EMG1: variants seen among roughly 807,000 people sequenced by gnomAD.
EMG1 encodes EMG1 N1-specific pseudouridine methyltransferase.
A neutral mutation model predicts 26.9 loss-of-function variants in EMG1; 24 were observed. The ratio of observed to expected loss-of-function variants is 0.89; its 90% confidence interval spans 0.65 to 1.26. The LOEUF (loss-of-function observed/expected upper bound fraction) is 1.26, where lower values mean the gene tolerates loss of function less well. EMG1 is among the 50% of genes most tolerant of loss of function. The probability of loss-of-function intolerance (pLI) is 0.00; values close to 1 mark genes in which losing one functional copy is unlikely to be tolerated. For synonymous variants in EMG1, 140 were observed against 112.6 expected, an observed-to-expected ratio of 1.24 and a Z score of -1.54; for missense variants, 299 against 307.6, an observed-to-expected ratio of 0.97 and a Z score of 0.21.
chr12:6,981,852 T>C, downstream of EMG1: 1 of 1,614,110 alleles, frequency 6.2e-7, no homozygotes, highest in Non-Finnish European at 8.5e-7. Context: ...CATTGTCCAC[T>C]TGATATCGTA....
Position 6,977,597 on chromosome 12 carries a change from C to T in EMG1, c.*1788C>T. 6.2e-7 allele frequency: 1 copy of T among 1,614,212 alleles called. No individual in the cohort carries two copies. The highest frequency in any genetic ancestry group is 8.5e-7 in the Non-Finnish European group (1 of 1,180,050). ...CCTTCACCCCCACCCTGGAGGCCTA[C>T]CTGTCTTTCCACAATAACAATGAGG... On this transcript the variant is annotated 3_prime_UTR_variant, in exon 6 of 6. Transcript: ENST00000599672. This position sits in a 1 kb window ranked among gnomAD's most constrained non-coding sequence, Gnocchi z 4.5.
intron 6 of EMG1, among the ~76,000 whole-genome samples, chr12:6,985,089 TAAAAAAAA>T: frequency 8.9e-6 from 1 of 112,608 alleles, no homozygotes; most frequent in Non-Finnish European, 1.8e-5. Context: ...CCCCATACAT[TAAAAAAAA>T]AAAAAAAAAA....
At chr12:6,982,755 C>T, downstream of EMG1, 1 of 1,613,882 alleles carries the variant, frequency 6.2e-7, no homozygotes, top group Non-Finnish European at 8.5e-7. Context: ...AAGCACAATA[C>T]ACAGCAGGGA....
At position 6,975,116 on chromosome 12, in the gene EMG1, C is replaced by T. The variant is rs782181464; in HGVS notation, c.439C>T (p.Arg147Ter). The T allele has an allele frequency of 1.9e-6, 3 of 1,613,844 alleles. No individual in the cohort carries two copies. Among genetic ancestry groups the T allele is most frequent in the African/African-American group, 1.3e-5 (1 of 74,918 alleles). ...MVQLLHKLSV[R>*]AADGPQKLLK... Reference sequence around the variant, plus strand: ...TCAACTTTTACACAAGCTCAGTGTTCGAGCAGCTGATGGCCCCCAGAAGCT... The same window carrying T: ...TCAACTTTTACACAAGCTCAGTGTTTGAGCAGCTGATGGCCCCCAGAAGCT... The change falls in exon 4 of 6, where the codon CGA (arginine) becomes TGA (stop). Residue 147 changes from arginine to a stop codon, truncating the protein, a stop_gained. Transcript: ENST00000599672. LOFTEE classifies it high-confidence loss of function.
chr12:6,982,858 T>C (rs1946485017), downstream of EMG1: 1 of 913,874 alleles, frequency 1.1e-6, no homozygotes, highest in Non-Finnish European at 1.7e-6. Flanking sequence ...CAACGTAATA[T>C]ATAAAGAAAA....
chr12:6,977,884 C>T lies in EMG1; in HGVS notation c.*2075C>T. On this transcript the variant is annotated 3_prime_UTR_variant, in exon 6 of 6. Transcript: ENST00000599672. The surrounding 1 kb of genome is among the most constrained non-coding windows in gnomAD (Gnocchi z 4.5). ...TGTAGCCCCCAGAGGGTACAGGAGG[C>T]AGTGCTGACTGATTACTTTTAGAGA... 1 of 962,474 alleles carries T rather than the reference C, an allele frequency of 1.0e-6. No homozygotes were observed. Among genetic ancestry groups the T allele is most frequent in the Non-Finnish European group, 1.6e-6 (1 of 631,968 alleles). 59.6% of individuals were successfully genotyped at this position (962,474 alleles called of 1,614,324 possible).
Position 6,978,226 on chromosome 12 carries a change from G to A in EMG1, c.*2417G>A. The stretch of plus-strand genomic sequence containing the variant: ...GTCAAAGTCAGTGTGAGCGACAGGG[G>A]GTTCTGCCCAGATGGGAAAGACGCA... On this transcript the variant is annotated 3_prime_UTR_variant, in exon 6 of 6. Coordinates refer to ENST00000599672, the MANE Select transcript of EMG1 (RefSeq NM_006331.8). The A allele has an allele frequency of 8.1e-7, 1 of 1,238,748 alleles. No individual in the cohort carries two copies. The highest frequency in any genetic ancestry group is 1.1e-6 in the Non-Finnish European group (1 of 887,882). 76.7% of individuals were successfully genotyped at this position (1,238,748 alleles called of 1,614,324 possible). A position where few individuals can be genotyped will look rare whatever the true frequency, so the allele number is the denominator to read the frequency against.
Position 6,978,534 on chromosome 12 carries a change from T to G in EMG1, c.*2725T>G. Reference sequence around the variant, plus strand: ...TGAGAGGGAATAGCTCAGTTAGGGCTCTTGCCACTCCCCATACTGGCCCCC... The same window carrying G: ...TGAGAGGGAATAGCTCAGTTAGGGCGCTTGCCACTCCCCATACTGGCCCCC... On this transcript the variant is annotated 3_prime_UTR_variant, in exon 6 of 6. Transcript: ENST00000599672. 1 of 1,611,998 alleles carries G rather than the reference T, an allele frequency of 6.2e-7. No homozygotes were observed. Among genetic ancestry groups the G allele is most frequent in the Non-Finnish European group, 8.5e-7 (1 of 1,178,386 alleles).
rs782110330 is a variant in EMG1, at chr12:6,978,656, G to A, written c.*2847G>A. 2 of 1,614,066 alleles carry A rather than the reference G, an allele frequency of 1.2e-6. No homozygotes were observed. Among genetic ancestry groups the A allele is most frequent in the Non-Finnish European group, 1.7e-6 (2 of 1,180,038 alleles). The stretch of plus-strand genomic sequence containing the variant: ...TACAGCACAAACTTGCCCCAGATCA[G>A]CATGTACATGCAGCGGAACCAGAAG... On this transcript the variant is annotated 3_prime_UTR_variant, in exon 6 of 6. Transcript: ENST00000599672.
chr12:6,975,743 C>T lies in EMG1; in HGVS notation c.669C>T (p.Pro223=). 6.2e-7 allele frequency: 1 copy of T among 1,613,714 alleles called. No individual in the cohort carries two copies. The highest frequency in any genetic ancestry group is 8.5e-7 in the Non-Finnish European group (1 of 1,179,614). Residue 223 remains proline (P), a synonymous_variant, in exon 6 of 6, where the codon CCC becomes CCT. Transcript: ENST00000599672. ...AGATGGTGTCCATCAGTAACTACCC[C>T]CTTTCTGCTGCCCTCACCTGTGCAA... ...TEKMVSISNY[P]LSAALTCAKL... is the part of the protein sequence containing the mutation.
Position 6,977,685 on chromosome 12 carries a change from C to T in EMG1, c.*1876C>T. 6.2e-7 allele frequency: 1 copy of T among 1,614,212 alleles called. No individual in the cohort carries two copies. The highest frequency in any genetic ancestry group is 1.3e-5 in the African/African-American group (1 of 75,050). ...GGCCGTGCCAGAGGGCCAGGAATAG[C>T]AACGAGAGACCCTGAGAGAGTTCTT... On this transcript the variant is annotated 3_prime_UTR_variant, in exon 6 of 6. Coordinates refer to ENST00000599672, the MANE Select transcript of EMG1 (RefSeq NM_006331.8). The surrounding 1 kb of genome is among the most constrained non-coding windows in gnomAD (Gnocchi z 4.5).
chr12:6,985,669 C>T lies in EMG1; in HGVS notation c.*155-2113C>T, dbSNP rs1237906726. The stretch of plus-strand genomic sequence containing the variant: ...GGCAGAGTTTGCAGTGAGCTGAGAT[C>T]GTGCCATTGCACTCCAGCTTGGGCA... On this transcript the variant is annotated intron_variant and NMD_transcript_variant, in intron 6 of 7. Transcript: ENST00000261406. Among the ~76,000 whole-genome samples the T allele has an allele frequency of 6.0e-5, 9 of 151,128 alleles. 1 individual carries two copies. The highest frequency in any genetic ancestry group is 2.0e-4 in the East Asian group (1 of 5,058).
rs782698519 is a variant in EMG1 at position 6,975,843 on chromosome 12, T to G, written c.*34T>G. On this transcript the variant is annotated 3_prime_UTR_variant, in exon 6 of 6. Transcript: ENST00000599672. Reference sequence around the variant, plus strand: ...GAACCTGTTCTGAAACCAGAAACTGTTGATGTCACATCCTTTGACCCTGGT... The same window carrying G: ...GAACCTGTTCTGAAACCAGAAACTGGTGATGTCACATCCTTTGACCCTGGT... The G allele has an allele frequency of 8.2e-7, 1 of 1,218,868 alleles. No homozygotes were observed. Among genetic ancestry groups the G allele is most frequent in the Admixed American group, 1.7e-5 (1 of 59,452 alleles). 75.5% of individuals were successfully genotyped at this position (1,218,868 alleles called of 1,614,324 possible).
Position 6,977,101 on chromosome 12 carries a change from G to C in EMG1, c.*1292G>C. 1 of 1,264,964 alleles carries C rather than the reference G, an allele frequency of 7.9e-7. No individual in the cohort carries two copies. Among genetic ancestry groups the C allele is most frequent in the Non-Finnish European group, 1.2e-6 (1 of 863,304 alleles). 78.4% of individuals were successfully genotyped at this position (1,264,964 alleles called of 1,614,324 possible). ...AGTCTGTTGCTCTATTCTGTAACCT[G>C]GTGGTAGTTTTAGTTTAGCTGTATT... is the stretch of plus-strand genomic sequence containing the variant. On this transcript the variant is annotated 3_prime_UTR_variant, in exon 6 of 6. Coordinates refer to ENST00000599672, the MANE Select transcript of EMG1 (RefSeq NM_006331.8). The surrounding 1 kb of genome is among the most constrained non-coding windows in gnomAD (Gnocchi z 4.5).
intron 1 of EMG1, among the ~76,000 whole-genome samples, chr12:6,972,066 C>CTTTTT (rs11292192): frequency 4.0e-5 from 5 of 124,700 alleles, no homozygotes; most frequent in South Asian, 2.6e-4. Flanking sequence ...TCTAAATACA[C>CTTTTT]TTTTTTTTTT....
intron 6 of EMG1, among the ~76,000 whole-genome samples, chr12:6,985,642 G>A (rs1423306442): frequency 2.6e-5 from 4 of 151,974 alleles, no homozygotes; most frequent in African/African-American, 9.7e-5. Context: ...TTGAACCTGG[G>A]AGGCAGAGTT....
chr12:6,986,554 G>GAGGT (rs1946527823), intron 6 of EMG1, among the ~76,000 whole-genome samples: 18 of 151,984 alleles, frequency 1.2e-4, no homozygotes, highest in African/African-American at 4.4e-4. Flanking sequence ...GGAGGCTGAA[G>GAGGT]CAGGTGGATC....
intron 7 of EMG1, among the ~76,000 whole-genome samples, chr12:6,995,688 C>T (rs1267986770): frequency 2.0e-5 from 3 of 152,010 alleles, no homozygotes; most frequent in South Asian, 2.1e-4. Context: ...GCCTGCACCA[C>T]GTCTTCCCAG....
downstream of EMG1, chr12:6,981,423 G>A: frequency 2.6e-6 from 2 of 759,870 alleles, no homozygotes; most frequent in Non-Finnish European, 4.5e-6. Flanking sequence ...GCTGGATCCT[G>A]GGCAAATTAG....
Sources: allele counts gnomAD v4.1 joint callset (sites outside exome capture counted in the v4.1 genomes callset), GRCh38; gene constraint gnomAD v4.1.1; non-coding constraint Gnocchi (gnomAD v3.1); transcripts MANE v1.5; gene names NCBI Gene and HGNC (gene_info 2026-07-23, HGNC 2026-07-21).